Variants in NEMP2 observed in about 807,000 individuals in gnomAD.
NEMP2 encodes the protein UPF0571 transmembrane protein.
A neutral mutation model predicts 54.2 loss-of-function variants in NEMP2; 53 were observed. The ratio of observed to expected loss-of-function variants is 0.98; its 90% CI spans 0.78 to 1.23. NEMP2 has a LOEUF of 1.23. Among genes scored for constraint, NEMP2 ranks in the 50% most tolerant of loss-of-function variants. The pLI is 0.00. For synonymous variants in NEMP2, 197 were observed against 190.3 expected (o/e 1.04, Z -0.29); for missense variants, 455 against 511.3 (o/e 0.89, Z 1.06).
chr2:190,533,436 T>C lies in NEMP2; in HGVS notation c.97+1123A>G, dbSNP rs925039021. Among the ~76,000 whole-genome samples the C allele has an allele frequency of 6.6e-6, 1 of 152,252 alleles. No homozygotes were observed. The highest frequency in any genetic ancestry group is 2.4e-5 in the African/African-American group (1 of 41,468). On this transcript the variant is annotated intron_variant, in intron 1 of 8. Coordinates refer to ENST00000409150, the MANE Select transcript of NEMP2 (RefSeq NM_001142645.2). The surrounding 1 kb of genome is among the most constrained non-coding windows in gnomAD (Gnocchi z 4.3). Reference sequence around the variant, plus strand: ...GGGCTTCTATGGGTATTAAATATGATAGATACTGCAGTTAAAGCACTTATA... The same window carrying C: ...GGGCTTCTATGGGTATTAAATATGACAGATACTGCAGTTAAAGCACTTATA...
At chr2:190,615,135 T>C in the NEMP2 span, among the ~76,000 whole-genome samples, 23 of 152,210 alleles carry the variant, frequency 1.5e-4, no homozygotes, top group African/African-American at 4.6e-4. The surrounding 1 kb of genome is among the most constrained non-coding windows in gnomAD (Gnocchi z 4.7). Context: ...AATTCTGACA[T>C]TAACTGGAGT....
chr2:190,494,198 C>T, the NEMP2 span, among the ~76,000 whole-genome samples: 35,176 of 151,988 alleles, frequency 0.23, 5,039 homozygotes, highest in South Asian at 0.33. The surrounding 1 kb of genome is among the most constrained non-coding windows in gnomAD (Gnocchi z 5.7). Context: ...CACAGAAATA[C>T]AAAAGATCAT....
chr2:190,580,474 C>T, the NEMP2 span, among the ~76,000 whole-genome samples: 2 of 152,116 alleles, frequency 1.3e-5, no homozygotes. This position sits in a 1 kb window ranked among gnomAD's most constrained non-coding sequence, Gnocchi z 5.3. Context: ...GTTTTGGTCC[C>T]GTCTTCCCTG....
chr2:190,439,678 CA>C, the NEMP2 span, among the ~76,000 whole-genome samples: 1 of 152,264 alleles, frequency 6.6e-6, no homozygotes, highest in African/African-American at 2.4e-5. This position sits in a 1 kb window ranked among gnomAD's most constrained non-coding sequence, Gnocchi z 5.8. Context: ...GGACAAAAAG[CA>C]TCTTCCATTT....
At chr2:190,548,235 T>A in the NEMP2 span, among the ~76,000 whole-genome samples, 222 of 152,296 alleles carry the variant, frequency 1.5e-3, 1 homozygote, top group African/African-American at 5.2e-3. Context: ...TTTTTTCTTT[T>A]CACTTAAAGA....
chr2:190,424,041 C>T, the NEMP2 span, among the ~76,000 whole-genome samples: 5 of 152,164 alleles, frequency 3.3e-5, no homozygotes, highest in East Asian at 1.9e-4. The surrounding 1 kb of genome is among the most constrained non-coding windows in gnomAD (Gnocchi z 5.9). Flanking sequence ...ACTAATCCTT[C>T]GCTGGATTTG....
the NEMP2 span, among the ~76,000 whole-genome samples, chr2:190,635,615 C>T: frequency 6.6e-6 from 1 of 152,190 alleles, no homozygotes; most frequent in Non-Finnish European, 1.5e-5. The surrounding 1 kb of genome is among the most constrained non-coding windows in gnomAD (Gnocchi z 4.1). Context: ...GAGCTATATT[C>T]ATTGAATATT....
At chr2:190,440,921 C>T in the NEMP2 span, among the ~76,000 whole-genome samples, 71,834 of 151,938 alleles carry the variant, frequency 0.47, 17,348 homozygotes, top group Admixed American at 0.61. Context: ...CAGGATGAAC[C>T]AGAACAGATA....
the NEMP2 span, among the ~76,000 whole-genome samples, chr2:190,471,210 G>A: frequency 2.4e-4 from 36 of 152,140 alleles, no homozygotes; most frequent in African/African-American, 8.2e-4. This position sits in a 1 kb window ranked among gnomAD's most constrained non-coding sequence, Gnocchi z 4.7. Context: ...GAGGTACCGG[G>A]TTCATCTCAC....
At position 190,512,333 on chromosome 2, in the gene NEMP2, C is replaced by A. The variant is rs1240524709; in HGVS notation, c.954-1796G>T. 6.6e-6 allele frequency among the ~76,000 whole-genome samples: 1 copy of A among 152,116 alleles called. No homozygotes were observed. Among genetic ancestry groups the A allele is most frequent in the Non-Finnish European group, 1.5e-5 (1 of 68,018 alleles). ...GATATTTTGTGTAGGGTTCTTAGCA[C>A]TGTAAGTGGCCTATAGTAGGTGTTC... On this transcript the variant is annotated intron_variant, in intron 7 of 8. Coordinates refer to ENST00000409150, the MANE Select transcript of NEMP2 (RefSeq NM_001142645.2). This position sits in a 1 kb window ranked among gnomAD's most constrained non-coding sequence, Gnocchi z 4.5.
chr2:190,507,583 G>A lies in NEMP2; in HGVS notation c.*1606C>T, dbSNP rs747261834. 5.9e-5 allele frequency: 9 copies of A among 151,960 alleles called. No individual in the cohort carries two copies. Among genetic ancestry groups the A allele is most frequent in the Non-Finnish European group, 8.8e-5 (6 of 68,006 alleles). The allele number at this position is 151,960 out of a possible 1,614,324, so 9.4% of individuals were successfully genotyped here. ...CTCATAAAATAGTTACCATAAATCT[G>A]AATGGAAAATATATCCTTTGGTTTT... On this transcript the variant is annotated 3_prime_UTR_variant, in exon 9 of 9. Coordinates refer to ENST00000409150, the MANE Select transcript of NEMP2 (RefSeq NM_001142645.2). This position sits in a 1 kb window ranked among gnomAD's most constrained non-coding sequence, Gnocchi z 4.4.
In NEMP2 at chr2:190,506,207, C is replaced by T. The variant is rs533855873; in HGVS notation, c.*2982G>A. ...AACAGTCACACCCAAATAGTTCACTCTTCAATGTCATGCCACCCAGCAGGC... is the reference window on the plus strand; with the variant it reads ...AACAGTCACACCCAAATAGTTCACTTTTCAATGTCATGCCACCCAGCAGGC... On this transcript the variant is annotated 3_prime_UTR_variant, in exon 9 of 9. Transcript: ENST00000409150. This position sits in a 1 kb window ranked among gnomAD's most constrained non-coding sequence, Gnocchi z 6.3. The T allele has an allele frequency of 5.3e-5, 8 of 152,356 alleles. No homozygotes were observed. The East Asian group carries it at 1.2e-3, about 22-fold the overall frequency. 9.4% of individuals were successfully genotyped at this position (152,356 alleles called of 1,614,324 possible). A position where few individuals can be genotyped will look rare whatever the true frequency, so the allele number is the denominator to read the frequency against.
chr2:190,592,571 A>G, the NEMP2 span, among the ~76,000 whole-genome samples: 8 of 152,296 alleles, frequency 5.3e-5, no homozygotes, highest in South Asian at 1.7e-3. This position sits in a 1 kb window ranked among gnomAD's most constrained non-coding sequence, Gnocchi z 4.4. Flanking sequence ...TTATCTTCAC[A>G]AAAACTTCAT....
the NEMP2 span, among the ~76,000 whole-genome samples, chr2:190,556,391 TG>T: frequency 6.6e-5 from 10 of 152,272 alleles, no homozygotes; most frequent in African/African-American, 2.4e-4. Flanking sequence ...GAGCAAAAAT[TG>T]GAAGCATTCC....
chr2:190,576,065 C>T, the NEMP2 span, among the ~76,000 whole-genome samples: 10 of 151,690 alleles, frequency 6.6e-5, no homozygotes, highest in Non-Finnish European at 1.2e-4. Context: ...ACCTCCTGGG[C>T]TCAAGTGATC....
chr2:190,441,933 T>G, the NEMP2 span, among the ~76,000 whole-genome samples: 1 of 152,192 alleles, frequency 6.6e-6, no homozygotes, highest in Admixed American at 6.5e-5. Flanking sequence ...GTCAGATTGG[T>G]GCCTGCCTCT....
At chr2:190,552,536 C>T in the NEMP2 span, among the ~76,000 whole-genome samples, 1 of 152,054 alleles carries the variant, frequency 6.6e-6, no homozygotes, top group Non-Finnish European at 1.5e-5. Flanking sequence ...GCCTGGGTAA[C>T]ATACCAAGAC....
rs1170504299 is a variant in NEMP2 at position 190,520,060 on chromosome 2, GA to G, written c.214-878del. On this transcript the variant is annotated intron_variant, in intron 2 of 8. Transcript: ENST00000409150. This position sits in a 1 kb window ranked among gnomAD's most constrained non-coding sequence, Gnocchi z 5.4. Reference sequence around the variant, plus strand: ...GAAACATAACTTTTATAGGTACTAGGAAACCAAAAAATTTGTATGACTTGCT... The same window carrying G: ...GAAACATAACTTTTATAGGTACTAGGAACCAAAAAATTTGTATGACTTGCT... Among the ~76,000 whole-genome samples, 1 of 152,034 alleles carries G rather than the reference GA, an allele frequency of 6.6e-6. No homozygotes were observed. The highest frequency in any genetic ancestry group is 1.5e-5 in the Non-Finnish European group (1 of 67,998).
chr2:190,484,282 A>G, the NEMP2 span, among the ~76,000 whole-genome samples: 1 of 152,214 alleles, frequency 6.6e-6, no homozygotes, highest in Non-Finnish European at 1.5e-5. Flanking sequence ...CATACTTAAA[A>G]AGGTTTAAAA....
Sources: allele counts gnomAD v4.1 joint callset (sites outside exome capture counted in the v4.1 genomes callset), GRCh38; gene constraint gnomAD v4.1.1; non-coding constraint Gnocchi (gnomAD v3.1); transcripts MANE v1.5; gene names NCBI Gene and HGNC (gene_info 2026-07-23, HGNC 2026-07-21).